Variants in NKAIN3 observed in about 807,000 individuals in gnomAD.
The protein encoded by NKAIN3 is sodium/potassium transporting ATPase interacting 3, also known as sodium/potassium-transporting ATPase subunit beta-1-interacting protein 3.
A neutral mutation model predicts 30.2 loss-of-function variants in NKAIN3; 25 were observed. The observed-to-expected ratio is 0.83, with a 90% CI of 0.60 to 1.16. The LOEUF (loss-of-function observed/expected upper bound fraction) is 1.16. NKAIN3 is among the 50% of genes most tolerant of loss of function. The pLI is 0.00. For synonymous variants in NKAIN3, 91 were observed against 89.6 expected (o/e 1.02, Z -0.09); for missense variants, 225 against 254.1 (o/e 0.89, Z 0.78).
chr8:62,628,416 C>T (rs928053659), intron 3 of NKAIN3, among the ~76,000 whole-genome samples: 1 of 152,156 alleles, frequency 6.6e-6, no homozygotes, highest in Non-Finnish European at 1.5e-5. Flanking sequence ...ATTTTGTCAT[C>T]ACCTGTATTT....
At chr8:62,464,871 T>G (rs1806110258) in intron 1 of NKAIN3, among the ~76,000 whole-genome samples, 1 of 152,192 alleles carries the variant, frequency 6.6e-6, no homozygotes, top group African/African-American at 2.4e-5. Context: ...CCTAGAGATA[T>G]TTCATAATGA....
At chr8:62,836,278 A>T (rs1347373738) in intron 4 of NKAIN3, among the ~76,000 whole-genome samples, 1 of 152,056 alleles carries the variant, frequency 6.6e-6, no homozygotes, top group Non-Finnish European at 1.5e-5. Context: ...GCATCATGAA[A>T]TATACTCATT....
chr8:62,672,201 G>C (rs964719679), intron 3 of NKAIN3, among the ~76,000 whole-genome samples: 1 of 152,202 alleles, frequency 6.6e-6, no homozygotes, highest in African/African-American at 2.4e-5. Context: ...TAGATGTGTG[G>C]TTCAAGGTTC....
chr8:62,756,377 T>C (rs1224825942), intron 4 of NKAIN3, among the ~76,000 whole-genome samples: 1 of 152,200 alleles, frequency 6.6e-6, no homozygotes, highest in African/African-American at 2.4e-5. Context: ...TTTTTAAGGT[T>C]CACCCATGTA....
chr8:62,945,192 A>G (rs1189198490), intron 5 of NKAIN3, among the ~76,000 whole-genome samples: 1 of 152,212 alleles, frequency 6.6e-6, no homozygotes, highest in Admixed American at 6.5e-5. Flanking sequence ...TAGCATAGTA[A>G]ATAGTGATAA....
chr8:62,929,716 T>G (rs940471374), intron 5 of NKAIN3, among the ~76,000 whole-genome samples: 2 of 152,120 alleles, frequency 1.3e-5, no homozygotes, highest in African/African-American at 4.8e-5. Flanking sequence ...AAAACTGTGG[T>G]TTTTTGTTTT....
At chr8:62,820,234 A>T (rs1405140633) in intron 4 of NKAIN3, among the ~76,000 whole-genome samples, 2 of 152,156 alleles carry the variant, frequency 1.3e-5, no homozygotes, top group Non-Finnish European at 2.9e-5. Context: ...AGGTAGTGAT[A>T]TGGAGTATGG....
chr8:62,661,789 C>A (rs1321772725), intron 3 of NKAIN3, among the ~76,000 whole-genome samples: 1 of 152,166 alleles, frequency 6.6e-6, no homozygotes, highest in Admixed American at 6.5e-5. Context: ...TGGATTCAGC[C>A]TTAACTAAGG....
chr8:62,770,026 T>A (rs1054265586), intron 4 of NKAIN3, among the ~76,000 whole-genome samples: 1 of 152,210 alleles, frequency 6.6e-6, no homozygotes, highest in African/African-American at 2.4e-5. Context: ...TTCTAACTAA[T>A]AGAATATGAC....
intron 4 of NKAIN3, among the ~76,000 whole-genome samples, chr8:62,907,806 G>T (rs1360503289): frequency 6.6e-6 from 1 of 152,236 alleles, no homozygotes; most frequent in Non-Finnish European, 1.5e-5. Flanking sequence ...CCAGGCAGAG[G>T]TGTGCTGCAG....
chr8:62,288,562 G>A (rs1463236148), intron 1 of NKAIN3, among the ~76,000 whole-genome samples: 1 of 152,126 alleles, frequency 6.6e-6, no homozygotes, highest in East Asian at 1.9e-4. Context: ...CCCCATAAAG[G>A]ACATAAACTC....
intron 1 of NKAIN3, among the ~76,000 whole-genome samples, chr8:62,526,924 C>T (rs985174623): frequency 6.6e-6 from 1 of 152,166 alleles, no homozygotes; most frequent in African/African-American, 2.4e-5. Flanking sequence ...TTATCCCTGA[C>T]TTGCACCCGC....
intron 2 of NKAIN3, 140 bp from the exon 3 acceptor site, chr8:62,589,573 GA>G (rs1296896399): frequency 1.5e-5 from 7 of 476,960 alleles, no homozygotes; most frequent in Non-Finnish European, 2.7e-5. Context: ...GGACCACATA[GA>G]GAGCACTCTT....
rs1816098710 is a variant in NKAIN3 at position 62,747,082 on chromosome 8, T to G, written c.424T>G (p.Phe142Val). The change falls in exon 4 of 7, where the codon TTC becomes GTC. Residue 142 changes from phenylalanine (F) to valine (V), a missense_variant. Transcript: ENST00000623646. Reference protein sequence around the residue: ...YVSVTGCIVDFQYLEVIHSAV... With the variant: ...YVSVTGCIVDVQYLEVIHSAV... ...CTCTGTCACAGGCTGCATCGTTGAC[T>G]TCCAGTACCTGGAGGTCATCCACAG... The G allele has an allele frequency of 6.2e-7, 1 of 1,613,042 alleles. No individual in the cohort carries two copies. The highest frequency in any genetic ancestry group is 1.3e-5 in the African/African-American group (1 of 75,050).
intron 1 of NKAIN3, among the ~76,000 whole-genome samples, chr8:62,507,378 GT>G (rs1332938773): frequency 2.6e-5 from 4 of 152,150 alleles, no homozygotes; most frequent in Non-Finnish European, 5.9e-5. Context: ...CTCATTAAAT[GT>G]TTATTATTTG....
intron 1 of NKAIN3, among the ~76,000 whole-genome samples, chr8:62,465,164 C>A (rs972557568): frequency 4.6e-5 from 7 of 152,120 alleles, no homozygotes; most frequent in African/African-American, 1.7e-4. Context: ...ATCCAGAATT[C>A]TAAGTTTACA....
chr8:62,801,321 G>A (rs1320065114), intron 4 of NKAIN3, among the ~76,000 whole-genome samples: 3 of 152,186 alleles, frequency 2.0e-5, no homozygotes, highest in African/African-American at 7.2e-5. Context: ...TTCCTCAAGT[G>A]GGTCCCTGAC....
chr8:62,291,855 T>C (rs969688825), intron 1 of NKAIN3, among the ~76,000 whole-genome samples: 1 of 152,176 alleles, frequency 6.6e-6, no homozygotes, highest in African/African-American at 2.4e-5. Context: ...CTCCCATTAT[T>C]ATTGTGTGGG....
chr8:62,959,185 A>G (rs1460089158), intron 6 of NKAIN3, among the ~76,000 whole-genome samples: 1 of 152,088 alleles, frequency 6.6e-6, no homozygotes, highest in Non-Finnish European at 1.5e-5. Flanking sequence ...GCCAATCCCT[A>G]TTTCAGGGTA....
Sources: allele counts gnomAD v4.1 joint callset (sites outside exome capture counted in the v4.1 genomes callset), GRCh38; gene constraint gnomAD v4.1.1; transcripts MANE v1.5; gene names NCBI Gene and HGNC (gene_info 2026-07-23, HGNC 2026-07-21).